Variants in FAM240B observed in about 807,000 individuals in gnomAD.
FAM240B encodes the protein protein FAM240B.
At chr9:38,713,550 T>C (rs1328528471) in intron 1 of FAM240B, among the ~76,000 whole-genome samples, 1 of 147,790 alleles carries the variant, frequency 6.8e-6, no homozygotes, top group Non-Finnish European at 1.5e-5. Context: ...TTCAAAATGC[T>C]GTAAAGGTCA....
chr9:38,705,588 C>CAAAAAAA (rs67726050), intron 1 of FAM240B: 1 of 101,114 alleles, frequency 9.9e-6, no homozygotes, highest in Non-Finnish European at 1.9e-5. Flanking sequence ...GACTCCAACT[C>CAAAAAAA]AAAAAAAAAA....
chr9:38,711,131 G>A (rs576561683), intron 1 of FAM240B, among the ~76,000 whole-genome samples: 58 of 152,114 alleles, frequency 3.8e-4, no homozygotes, highest in Admixed American at 7.2e-4. Context: ...GATTCTCTGC[G>A]CATCACATCA....
At chr9:38,714,319 A>G (rs1290254421) in intron 1 of FAM240B, among the ~76,000 whole-genome samples, 1 of 152,240 alleles carries the variant, frequency 6.6e-6, no homozygotes, top group Non-Finnish European at 1.5e-5. Flanking sequence ...TCCATTGATC[A>G]GTGGTAAAAA....
intron 2 of FAM240B, among the ~76,000 whole-genome samples, chr9:38,696,254 A>T (rs1376095519): frequency 6.6e-6 from 1 of 152,190 alleles, no homozygotes; most frequent in East Asian, 1.9e-4. Flanking sequence ...CGCCACAACG[A>T]GTATAATACT....
intron 1 of FAM240B, among the ~76,000 whole-genome samples, chr9:38,717,605 T>C (rs986767606): frequency 2.6e-5 from 4 of 152,084 alleles, no homozygotes; most frequent in Non-Finnish European, 4.4e-5. Flanking sequence ...CTCAGCCTCC[T>C]GAGTAGCTGG....
At chr9:38,699,785 C>T (rs1253347728) in intron 2 of FAM240B, among the ~76,000 whole-genome samples, 1 of 152,186 alleles carries the variant, frequency 6.6e-6, no homozygotes, top group Non-Finnish European at 1.5e-5. Context: ...GGCTACCACA[C>T]TATGTAAAGA....
At chr9:38,704,756 C>T (rs1024125933) in intron 1 of FAM240B, among the ~76,000 whole-genome samples, 3 of 152,264 alleles carry the variant, frequency 2.0e-5, no homozygotes, top group African/African-American at 4.8e-5. Flanking sequence ...GGGCCGGGCA[C>T]GCTTTACACA....
intron 1 of FAM240B, among the ~76,000 whole-genome samples, chr9:38,717,823 T>C (rs1314980873): frequency 6.6e-6 from 1 of 152,154 alleles, no homozygotes; most frequent in Non-Finnish European, 1.5e-5. Context: ...GATGCTCCTT[T>C]AAGACTCTGT....
intron 1 of FAM240B, among the ~76,000 whole-genome samples, chr9:38,713,773 TAAGC>T (rs1389444135): frequency 6.6e-6 from 1 of 152,202 alleles, no homozygotes; most frequent in Admixed American, 6.5e-5. Context: ...AGGCAAATGA[TAAGC>T]AAGGTAAATG....
At chr9:38,713,528 C>G (rs1008332999) in intron 1 of FAM240B, among the ~76,000 whole-genome samples, 7 of 137,262 alleles carry the variant, frequency 5.1e-5, no homozygotes, top group Non-Finnish European at 1.1e-4. Context: ...ATCATCTGTT[C>G]AAGAACTAGA....
chr9:38,707,544 G>A lies in FAM240B; in HGVS notation c.-3-3542C>T, dbSNP rs574799121. Among the ~76,000 whole-genome samples the A allele has an allele frequency of 1.5e-3, 234 of 151,418 alleles. 1 individual carries two copies. Among genetic ancestry groups the A allele is most frequent in the African/African-American group, 4.6e-3 (191 of 41,232 alleles). ...AGCACTTTGAGAGGCCAAGGCAGGC[G>A]GATCACGAGGTCAAGAGATGGTGAC... On this transcript the variant is annotated intron_variant, in intron 1 of 2. Transcript: ENST00000637493.
chr9:38,711,625 T>G (rs796347531), intron 1 of FAM240B, among the ~76,000 whole-genome samples: 2 of 149,286 alleles, frequency 1.3e-5, no homozygotes, highest in African/African-American at 5.0e-5. Context: ...CTCTCCCTCT[T>G]TCTCTCTCCC....
chr9:38,712,304 C>T (rs1821264563), intron 1 of FAM240B, among the ~76,000 whole-genome samples: 2 of 152,158 alleles, frequency 1.3e-5, no homozygotes, highest in South Asian at 4.1e-4. Context: ...ACTTTTAGTC[C>T]ATATGACCAT....
chr9:38,713,473 G>A (rs904141583), intron 1 of FAM240B, among the ~76,000 whole-genome samples: 11 of 55,036 alleles, frequency 2.0e-4, no homozygotes, highest in African/African-American at 8.1e-4. Context: ...GTGAGACTCC[G>A]TTTCAAACAA....
chr9:38,717,568 C>G (rs1029969646), intron 1 of FAM240B, among the ~76,000 whole-genome samples: 1 of 152,190 alleles, frequency 6.6e-6, no homozygotes, highest in Admixed American at 6.5e-5. Context: ...GCAAGCTCCG[C>G]CTCCCGGGTT....
At chr9:38,717,497 T>C (rs1821320220) in intron 1 of FAM240B, among the ~76,000 whole-genome samples, 1 of 152,192 alleles carries the variant, frequency 6.6e-6, no homozygotes, top group Non-Finnish European at 1.5e-5. Context: ...TGTTTGTTTT[T>C]TGAGAAGGAG....
intron 2 of FAM240B, among the ~76,000 whole-genome samples, chr9:38,698,343 A>G (rs113276466): frequency 2.6e-5 from 4 of 152,366 alleles, no homozygotes; most frequent in African/African-American, 9.6e-5. Context: ...TTTACAAATT[A>G]TGGTTGAATT....
chr9:38,705,987 AAGAGGGAGAGAACATTTTCCTC>A (rs1171148134), intron 1 of FAM240B, among the ~76,000 whole-genome samples: 1 of 152,166 alleles, frequency 6.6e-6, no homozygotes, highest in African/African-American at 2.4e-5. Context: ...GCAGGGACAG[AAGAGGGAGAGAACATTTTCCTC>A]AGTGCCAGCT....
intron 1 of FAM240B, among the ~76,000 whole-genome samples, chr9:38,705,770 T>G (rs1318700538): frequency 9.9e-5 from 15 of 152,222 alleles, no homozygotes; most frequent in Non-Finnish European, 2.1e-4. Flanking sequence ...GTAAGTGTCC[T>G]GAGGTAAGAA....
Sources: allele counts gnomAD v4.1 joint callset (sites outside exome capture counted in the v4.1 genomes callset), GRCh38; gene constraint gnomAD v4.1.1; transcripts MANE v1.5; gene names NCBI Gene and HGNC (gene_info 2026-07-23, HGNC 2026-07-21).